C10orf67: variants seen among roughly 807,000 people sequenced by gnomAD.
The protein encoded by C10orf67 is uncharacterized protein C10orf67, mitochondrial.
C10orf67 carries 60 observed loss-of-function variants against 35.6 expected under a neutral mutation model. The ratio of observed to expected loss-of-function variants is 1.68; its 90% CI spans 1.37 to 2.09. The LOEUF is 2.09. C10orf67 is among the 30% of genes most tolerant of loss of function. C10orf67 has a pLI of 0.00. For missense variants in C10orf67, 474 were observed against 330.2 expected, an observed-to-expected ratio of 1.44 and a Z score of -3.38; for synonymous variants, 167 against 115.8, an observed-to-expected ratio of 1.44 and a Z score of -2.84.
intron 1 of C10orf67, among the ~76,000 whole-genome samples, chr10:23,337,029 C>T (rs1845713159): frequency 6.6e-6 from 1 of 151,988 alleles, no homozygotes; most frequent in Non-Finnish European, 1.5e-5. Context: ...AAGAAACAAC[C>T]ACTGGCCATA....
Position 23,276,229 on chromosome 10 carries a change from C to T in C10orf67, c.975+5784G>A, listed in dbSNP as rs1207749966. On this transcript the variant is annotated intron_variant, in intron 8 of 15. Transcript: ENST00000636213. Reference sequence around the variant, plus strand: ...TCTTTTCTCTGAGGAGGGAAGGAACCTTTACACATTACTAGTGGGAACAGA... The same window carrying T: ...TCTTTTCTCTGAGGAGGGAAGGAACTTTTACACATTACTAGTGGGAACAGA... Among the ~76,000 whole-genome samples the T allele has an allele frequency of 3.3e-5, 5 of 152,220 alleles. No individual in the cohort carries two copies. In the East Asian group the frequency reaches 5.8e-4, roughly 18 times the overall value.
intron 15 of C10orf67, among the ~76,000 whole-genome samples, chr10:23,223,347 C>A (rs1841638434): frequency 6.6e-6 from 1 of 152,060 alleles, no homozygotes; most frequent in Non-Finnish European, 1.5e-5. Flanking sequence ...TCCAAAAGTG[C>A]TAGGATTACA....
At chr10:23,336,405 C>T (rs144047489) in intron 1 of C10orf67, among the ~76,000 whole-genome samples, 15 of 152,234 alleles carry the variant, frequency 9.9e-5, no homozygotes, top group Middle Eastern at 3.4e-3. Context: ...TATATTTATA[C>T]ATATCTGTTT....
rs1188847845 is a variant in C10orf67 at position 23,203,193 on chromosome 10, C to CT, written c.*979dup. ...TTTAAAACAAGTTTCTAGGGCAACA[C>CT]TCCTTTGGAGACAGCGGCATATAGT... On this transcript the variant is annotated 3_prime_UTR_variant, in exon 16 of 16. Transcript: ENST00000636213. 4 of 152,242 alleles carry CT rather than the reference C, an allele frequency of 2.6e-5. No homozygotes were observed. The highest frequency in any genetic ancestry group is 5.9e-5 in the Non-Finnish European group (4 of 68,054). 9.4% of individuals were successfully genotyped at this position (152,242 alleles called of 1,614,324 possible). A position where few individuals can be genotyped will look rare whatever the true frequency, so the allele number is the denominator to read the frequency against.
intron 10 of C10orf67, among the ~76,000 whole-genome samples, chr10:23,253,032 C>T (rs942832165): frequency 6.6e-6 from 1 of 151,538 alleles, no homozygotes; most frequent in Non-Finnish European, 1.5e-5. Context: ...CAAGCTCTCT[C>T]TTTGCTTGCT....
At chr10:23,315,467 C>T (rs1196122029) in intron 4 of C10orf67, among the ~76,000 whole-genome samples, 2 of 152,164 alleles carry the variant, frequency 1.3e-5, no homozygotes, top group African/African-American at 4.8e-5. Flanking sequence ...GAGACAGGGT[C>T]TTGCTCTATC....
intron 13 of C10orf67, among the ~76,000 whole-genome samples, chr10:23,225,755 G>A (rs1186989767): frequency 6.6e-6 from 1 of 152,026 alleles, no homozygotes; most frequent in African/African-American, 2.4e-5. Flanking sequence ...AACCAACAAA[G>A]TTCAAAAAAG....
At chr10:23,243,310 T>C (rs896297065) in intron 12 of C10orf67, among the ~76,000 whole-genome samples, 4 of 152,260 alleles carry the variant, frequency 2.6e-5, no homozygotes, top group South Asian at 2.1e-4. Flanking sequence ...AATTAATAAG[T>C]ATGTAAAAGA....
chr10:23,290,988 A>C, intron 6 of C10orf67, 144 bp downstream of exon 6: 1 of 580,528 alleles, frequency 1.7e-6, no homozygotes. Flanking sequence ...GCTATCTTTA[A>C]TAAAAAGCAA....
rs574069775 is a variant in C10orf67, at chr10:23,329,416, A to G, written c.327+3646T>C. ...GGGAATACATACATAACAAAATAAC[A>G]ATAGCAATAAAAATAAGCACAGTTT... On this transcript the variant is annotated intron_variant, in intron 2 of 15. Coordinates refer to ENST00000636213, the MANE Select transcript of C10orf67 (RefSeq NM_001371909.1). Among the ~76,000 whole-genome samples, 7 of 152,306 alleles carry G rather than the reference A, an allele frequency of 4.6e-5. No homozygotes were observed. The South Asian group carries it at 1.2e-3, about 27-fold the overall frequency.
chr10:23,239,881 T>C (rs1245027584), intron 12 of C10orf67, 65 bp from the exon 13 acceptor site: 9 of 525,086 alleles, frequency 1.7e-5, no homozygotes, highest in Non-Finnish European at 3.3e-5. Context: ...AAATAAGCAT[T>C]ATGTTAATGA....
intron 9 of C10orf67, 143 bp from the exon 10 acceptor site, chr10:23,266,569 T>A (rs1842888646): frequency 2.5e-6 from 1 of 395,862 alleles, no homozygotes; most frequent in African/African-American, 2.1e-5. Flanking sequence ...TTGTTCTTGC[T>A]CCCAGGCCCA....
intron 10 of C10orf67, among the ~76,000 whole-genome samples, chr10:23,251,026 G>A (rs1259394132): frequency 6.6e-6 from 1 of 152,164 alleles, no homozygotes; most frequent in African/African-American, 2.4e-5. Flanking sequence ...AAGCCCAGGA[G>A]GTCGAAGCTG....
chr10:23,228,461 C>T (rs573384209), intron 13 of C10orf67, among the ~76,000 whole-genome samples: 35 of 152,056 alleles, frequency 2.3e-4, no homozygotes, highest in Middle Eastern at 3.2e-3. Context: ...AAGATTTAAA[C>T]GTTAGACCTA....
intron 12 of C10orf67, among the ~76,000 whole-genome samples, chr10:23,241,544 C>T (rs1435498915): frequency 6.6e-6 from 1 of 152,120 alleles, no homozygotes; most frequent in Non-Finnish European, 1.5e-5. Context: ...TATCTACTTT[C>T]TAATTTCTGG....
chr10:23,245,999 G>A (rs779635612), intron 12 of C10orf67, among the ~76,000 whole-genome samples: 3 of 152,188 alleles, frequency 2.0e-5, no homozygotes, highest in Non-Finnish European at 4.4e-5. Context: ...GTACACATAT[G>A]CGATGGAATA....
chr10:23,322,837 A>T (rs757774806), intron 2 of C10orf67, among the ~76,000 whole-genome samples: 1 of 151,242 alleles, frequency 6.6e-6, no homozygotes, highest in African/African-American at 2.4e-5. Context: ...TAAAAGTTAA[A>T]ATATATATAT....
rs1033693393 is a variant in C10orf67, at chr10:23,229,645, T to G, written c.1435-5827A>C. Among the ~76,000 whole-genome samples the G allele has an allele frequency of 2.6e-5, 4 of 152,042 alleles. No individual in the cohort carries two copies. In the East Asian group the frequency reaches 7.7e-4, roughly 29 times the overall value. ...TGTTCAATTTCCCAGGAAGATACAA[T>G]TATAAAATTGTATGCATCTAATAAT... On this transcript the variant is annotated intron_variant, in intron 13 of 15. Transcript: ENST00000636213.
At chr10:23,313,099 C>A (rs559838658) in intron 4 of C10orf67, among the ~76,000 whole-genome samples, 1 of 152,204 alleles carries the variant, frequency 6.6e-6, no homozygotes, top group Non-Finnish European at 1.5e-5. Context: ...ATTCATTGTC[C>A]TTCAGGGCTC....
Sources: allele counts gnomAD v4.1 joint callset (sites outside exome capture counted in the v4.1 genomes callset), GRCh38; gene constraint gnomAD v4.1.1; transcripts MANE v1.5; gene names NCBI Gene and HGNC (gene_info 2026-07-23, HGNC 2026-07-21).